The following PRDM5 variants were observed in gnomAD, a reference collection of about 807,000 sequenced individuals.
PRDM5 encodes PR/SET domain 5.
Under a neutral mutation model 81.2 loss-of-function variants are expected in PRDM5, and 56 were observed. The ratio of observed to expected loss-of-function variants is 0.69; its 90% CI spans 0.56 to 0.86. The LOEUF is 0.86. Ranked by LOEUF, PRDM5 falls within the 40% of genes least tolerant of loss-of-function variation. The probability of loss-of-function intolerance (pLI) is 0.00; values close to 1 mark genes in which losing one functional copy is unlikely to be tolerated. For synonymous variants in PRDM5, 267 were observed against 256.4 expected, an observed-to-expected ratio of 1.04 and a Z score of -0.39; for missense variants, 697 against 770.1, an observed-to-expected ratio of 0.91 and a Z score of 1.12.
At chr4:120,810,443 A>C (rs1456152496) in intron 8 of PRDM5, 1 of 152,132 alleles carries the variant, frequency 6.6e-6, no homozygotes, top group African/African-American at 2.4e-5. Context: ...ATTCTGCATA[A>C]AATTTTTCCT....
At chr4:120,793,167 G>A (rs1016928983) in intron 10 of PRDM5, among the ~76,000 whole-genome samples, 8 of 152,162 alleles carry the variant, frequency 5.3e-5, no homozygotes, top group South Asian at 2.1e-4. Context: ...TCACATTACC[G>A]CCTGAGCCCC....
At chr4:120,832,552 C>A (rs1418094630) in intron 3 of PRDM5, among the ~76,000 whole-genome samples, 1 of 152,146 alleles carries the variant, frequency 6.6e-6, no homozygotes, top group African/African-American at 2.4e-5. Flanking sequence ...GGCCTCCTCA[C>A]TTCCCCATGA....
At chr4:120,772,496 C>T (rs1747441762) in intron 13 of PRDM5, among the ~76,000 whole-genome samples, 1 of 152,158 alleles carries the variant, frequency 6.6e-6, no homozygotes, top group Non-Finnish European at 1.5e-5. Context: ...AAGGCAATGC[C>T]AATGGACATT....
chr4:120,774,711 A>T (rs1456801676), intron 13 of PRDM5, among the ~76,000 whole-genome samples: 1 of 152,174 alleles, frequency 6.6e-6, no homozygotes, highest in African/African-American at 2.4e-5. Flanking sequence ...CATAGGCTTG[A>T]CATCAAAATA....
chr4:120,921,363 C>T (rs1348528845), intron 1 of PRDM5, among the ~76,000 whole-genome samples: 1 of 152,216 alleles, frequency 6.6e-6, no homozygotes, highest in Non-Finnish European at 1.5e-5. Flanking sequence ...TGAACATTCT[C>T]GCCAACTCCC....
At chr4:120,729,438 C>T (rs1461614927) in intron 14 of PRDM5, among the ~76,000 whole-genome samples, 3 of 152,222 alleles carry the variant, frequency 2.0e-5, no homozygotes, top group African/African-American at 7.2e-5. Context: ...GACTGAGAGG[C>T]CCCATAGGTC....
intron 3 of PRDM5, among the ~76,000 whole-genome samples, chr4:120,825,176 T>C (rs1755799282): frequency 6.6e-6 from 1 of 152,052 alleles, no homozygotes; most frequent in African/African-American, 2.4e-5. Context: ...ATCTGTAAAA[T>C]GGAGAAAATA....
At chr4:120,910,615 A>C (rs1766397343) in intron 1 of PRDM5, among the ~76,000 whole-genome samples, 1 of 152,220 alleles carries the variant, frequency 6.6e-6, no homozygotes, top group Admixed American at 6.5e-5. Context: ...CAGCACATCT[A>C]TGAAAGGGAA....
chr4:120,712,479 T>C (rs956902168), intron 14 of PRDM5, among the ~76,000 whole-genome samples: 2 of 152,216 alleles, frequency 1.3e-5, no homozygotes, highest in Non-Finnish European at 2.9e-5. Flanking sequence ...ACCTTTTCAA[T>C]ACAGGTGCCG....
intron 13 of PRDM5, among the ~76,000 whole-genome samples, chr4:120,759,106 CAT>C (rs1160962738): frequency 1.3e-5 from 2 of 152,134 alleles, no homozygotes; most frequent in Non-Finnish European, 2.9e-5. Flanking sequence ...GATATCTACA[CAT>C]GTTGCCCATG....
intron 2 of PRDM5, among the ~76,000 whole-genome samples, chr4:120,870,934 G>A (rs1012566701): frequency 6.6e-6 from 1 of 152,270 alleles, no homozygotes; most frequent in East Asian, 1.9e-4. Flanking sequence ...CTGGAACTAT[G>A]TTTTGTCTAC....
chr4:120,887,387 C>T (rs1287073794), intron 2 of PRDM5, among the ~76,000 whole-genome samples: 2 of 152,186 alleles, frequency 1.3e-5, no homozygotes, highest in Admixed American at 1.3e-4. Flanking sequence ...TCCTTGACTA[C>T]AGCAACAGAC....
chr4:120,878,907 G>T (rs1762579052), intron 2 of PRDM5, among the ~76,000 whole-genome samples: 1 of 152,120 alleles, frequency 6.6e-6, no homozygotes, highest in African/African-American at 2.4e-5. Context: ...CAAGGACATG[G>T]GGCAACAGGA....
intron 15 of PRDM5, among the ~76,000 whole-genome samples, chr4:120,699,166 ATATATATATATATATATATATAT>A (rs1560889253): frequency 7.3e-4 from 19 of 26,058 alleles, no homozygotes; most frequent in African/African-American, 2.3e-3. Context: ...ATATAAATAT[ATATATATATATATATATATATAT>A]ATATATATAT....
chr4:120,691,768 T>C (rs1734066465), downstream of PRDM5: 1 of 152,150 alleles, frequency 6.6e-6, no homozygotes, highest in Admixed American at 6.6e-5. Flanking sequence ...AACACTTGGA[T>C]GTATAAAGTA....
intron 2 of PRDM5, among the ~76,000 whole-genome samples, chr4:120,861,333 C>T (rs756732284): frequency 1.3e-5 from 2 of 152,038 alleles, no homozygotes; most frequent in Admixed American, 6.6e-5. Flanking sequence ...GAGAATTTTC[C>T]CTACAGCATA....
rs1750704441 is a variant in PRDM5, at chr4:120,792,401, A to G, written c.1188+5866T>C. 2.0e-5 allele frequency among the ~76,000 whole-genome samples: 3 copies of G among 152,218 alleles called. No individual in the cohort carries two copies. In the South Asian group the frequency reaches 6.2e-4, roughly 32 times the overall value. On this transcript the variant is annotated intron_variant, in intron 10 of 15. Coordinates refer to ENST00000264808, the MANE Select transcript of PRDM5 (RefSeq NM_018699.4). ...CTACCAGACATGCATGTACGATTTT[A>G]AAGTTATTTTCATAAGATATCTACT...
At chr4:120,700,921 T>C (rs558405494) in intron 15 of PRDM5, among the ~76,000 whole-genome samples, 1 of 152,084 alleles carries the variant, frequency 6.6e-6, no homozygotes, top group Non-Finnish European at 1.5e-5. Flanking sequence ...CGTTAGGAGA[T>C]CGAGACCAGC....
chr4:120,699,137 G>T (rs982626418), intron 15 of PRDM5, among the ~76,000 whole-genome samples: 1 of 123,092 alleles, frequency 8.1e-6, no homozygotes, highest in South Asian at 2.5e-4. Context: ...TTTAACAAAT[G>T]TATAGGCAAT....
Sources: allele counts gnomAD v4.1 joint callset (sites outside exome capture counted in the v4.1 genomes callset), GRCh38; gene constraint gnomAD v4.1.1; transcripts MANE v1.5; gene names NCBI Gene and HGNC (gene_info 2026-07-23, HGNC 2026-07-21).